KLHL1: variants seen among roughly 807,000 people sequenced by gnomAD.
KLHL1 encodes the protein kelch-like protein 1.
A neutral mutation model predicts 77.7 loss-of-function variants in KLHL1; 47 were observed. That is an observed-to-expected ratio of 0.60 (90% CI 0.48 to 0.77). KLHL1 has a LOEUF of 0.77. KLHL1 is among the 30% of genes least tolerant of loss of function. The pLI is 0.00. For synonymous variants in KLHL1, 360 were observed against 325.2 expected (o/e 1.11, Z -1.15); for missense variants, 925 against 910.8 (o/e 1.02, Z -0.20).
intron 1 of KLHL1, among the ~76,000 whole-genome samples, chr13:70,041,529 A>T (rs539540251): frequency 2.9e-4 from 44 of 152,266 alleles, no homozygotes; most frequent in Non-Finnish European, 5.7e-4. Context: ...GTGGGAGTTC[A>T]GGCTCCCTAT....
intron 4 of KLHL1, among the ~76,000 whole-genome samples, chr13:69,904,752 G>A (rs534489993): frequency 1.8e-4 from 27 of 152,190 alleles, no homozygotes; most frequent in Middle Eastern, 6.8e-3. Context: ...CAGAGTTTAC[G>A]CTTAATCATT....
intron 3 of KLHL1, among the ~76,000 whole-genome samples, chr13:69,956,227 C>T (rs1323902474): frequency 6.9e-6 from 1 of 145,560 alleles, no homozygotes; most frequent in Non-Finnish European, 1.5e-5. Context: ...AATAAGATAA[C>T]AAAAAGTTGT....
chr13:70,072,579 A>G (rs967470523), intron 1 of KLHL1, among the ~76,000 whole-genome samples: 9 of 152,136 alleles, frequency 5.9e-5, no homozygotes, highest in Non-Finnish European at 7.3e-5. Context: ...ATGTATAACA[A>G]TAATTATACA....
rs1266784360 is a variant in KLHL1 at position 70,107,420 on chromosome 13, C to T, written c.280G>A (p.Gly94Ser). ...CTCGTGGCAACTGGAAGCAGGGTGC[C>T]ATTCAGCGGATTGAAGGAAGAGGAG... The part of the protein sequence containing the change: ...SSSSSFNPLN[G>S]TLLPVATRLQ... Residue 94 changes from glycine (G) to serine (S), a missense_variant, in exon 1 of 11, where the codon GGC becomes AGC. Coordinates refer to ENST00000377844, the MANE Select transcript of KLHL1 (RefSeq NM_020866.3). The T allele has an allele frequency of 1.9e-6, 3 of 1,612,052 alleles. No homozygotes were observed. The highest frequency in any genetic ancestry group is 2.5e-6 in the Non-Finnish European group (3 of 1,179,972).
chr13:69,905,623 A>C (rs1224471947), intron 4 of KLHL1, among the ~76,000 whole-genome samples: 2 of 152,114 alleles, frequency 1.3e-5, no homozygotes, highest in African/African-American at 4.8e-5. Context: ...GGTTGCAACA[A>C]TAATAAACTT....
At chr13:69,896,730 G>A (rs1881657501) in intron 4 of KLHL1, among the ~76,000 whole-genome samples, 1 of 151,012 alleles carries the variant, frequency 6.6e-6, no homozygotes, top group African/African-American at 2.4e-5. Context: ...GGGCAGTGGT[G>A]CAATCTCGGC....
intron 5 of KLHL1, among the ~76,000 whole-genome samples, chr13:69,858,824 G>T (rs998881542): frequency 3.9e-5 from 6 of 152,038 alleles, no homozygotes; most frequent in Non-Finnish European, 8.8e-5. Flanking sequence ...ATGGAAAAGA[G>T]TAAGGCTATT....
chr13:70,007,658 G>C (rs941678625), intron 1 of KLHL1, among the ~76,000 whole-genome samples: 1 of 151,992 alleles, frequency 6.6e-6, no homozygotes, highest in South Asian at 2.1e-4. Context: ...ATCTATTTAA[G>C]CTTTGTTGGT....
At chr13:69,932,512 G>A (rs1055125580) in intron 4 of KLHL1, among the ~76,000 whole-genome samples, 2 of 151,710 alleles carry the variant, frequency 1.3e-5, no homozygotes, top group African/African-American at 4.8e-5. Flanking sequence ...TAAATATTTA[G>A]GCACTACTTA....
At chr13:69,921,030 C>T (rs974820509) in intron 4 of KLHL1, among the ~76,000 whole-genome samples, 2 of 152,088 alleles carry the variant, frequency 1.3e-5, no homozygotes, top group Admixed American at 1.3e-4. Context: ...AATGAAGAGC[C>T]TCTGTATGTT....
chr13:70,004,894 T>C (rs1885371838), intron 1 of KLHL1, among the ~76,000 whole-genome samples: 1 of 151,418 alleles, frequency 6.6e-6, no homozygotes, highest in Non-Finnish European at 1.5e-5. Flanking sequence ...ATTAATATAT[T>C]TTAATATTTT....
At chr13:69,715,416 C>T (rs1566355167) in intron 9 of KLHL1, among the ~76,000 whole-genome samples, 1 of 152,028 alleles carries the variant, frequency 6.6e-6, no homozygotes, top group Non-Finnish European at 1.5e-5. Context: ...ATAAGACATG[C>T]CCGCTTCCCC....
At chr13:69,802,449 T>C (rs1877426167) in intron 6 of KLHL1, among the ~76,000 whole-genome samples, 1 of 152,098 alleles carries the variant, frequency 6.6e-6, no homozygotes, top group Non-Finnish European at 1.5e-5. Context: ...TCCCTCATAT[T>C]GTCTTATGCC....
chr13:69,981,860 T>G (rs990947672), intron 1 of KLHL1, among the ~76,000 whole-genome samples: 12 of 151,998 alleles, frequency 7.9e-5, no homozygotes, highest in African/African-American at 2.9e-4. Context: ...TGACTGTGAT[T>G]CTGAAACTGT....
intron 7 of KLHL1, among the ~76,000 whole-genome samples, chr13:69,763,892 C>G (rs957695388): frequency 1.3e-5 from 2 of 152,212 alleles, no homozygotes; most frequent in African/African-American, 2.4e-5. Flanking sequence ...AAAGTCTCCT[C>G]TGTTGTAACC....
intron 5 of KLHL1, among the ~76,000 whole-genome samples, chr13:69,875,970 T>C (rs916602992): frequency 1.3e-5 from 2 of 152,058 alleles, no homozygotes; most frequent in East Asian, 1.9e-4. Flanking sequence ...GAAAAATACA[T>C]TGAAAAAGTA....
intron 4 of KLHL1, among the ~76,000 whole-genome samples, chr13:69,890,052 T>C (rs945724269): frequency 6.6e-6 from 1 of 151,936 alleles, no homozygotes; most frequent in Non-Finnish European, 1.5e-5. Flanking sequence ...AATATATAAA[T>C]TTAAAAAAAG....
chr13:69,878,699 TA>T (rs748239798), intron 5 of KLHL1, among the ~76,000 whole-genome samples: 11 of 147,880 alleles, frequency 7.4e-5, no homozygotes, highest in Non-Finnish European at 1.6e-4. Context: ...TGTGTATGCA[TA>T]TATATATATA....
At chr13:69,889,887 A>G (rs1881363878) in intron 4 of KLHL1, among the ~76,000 whole-genome samples, 1 of 152,090 alleles carries the variant, frequency 6.6e-6, no homozygotes, top group Non-Finnish European at 1.5e-5. Context: ...ACTATTCTGC[A>G]TCTGACCCTA....
Sources: gnomAD v4.1 joint callset for allele counts (sites outside exome capture counted in the v4.1 genomes callset) on GRCh38, gnomAD v4.1.1 for gene constraint, MANE v1.5 for transcripts, NCBI Gene and HGNC (gene_info 2026-07-23, HGNC 2026-07-21) for gene names.